The following GPR176 variants were observed in gnomAD, a reference collection of about 807,000 sequenced individuals.
The protein encoded by GPR176 is G protein-coupled receptor 176.
A neutral mutation model predicts 35.4 loss-of-function variants in GPR176; 26 were observed. The observed-to-expected ratio is 0.74, with a 90% CI of 0.54 to 1.02. The LOEUF is 1.02. Among genes scored for constraint, GPR176 ranks in the 50% least tolerant of loss-of-function variants. The pLI, the probability that GPR176 is intolerant of heterozygous loss-of-function variation, is 0.00. For synonymous variants in GPR176, 278 were observed against 271.3 expected, an observed-to-expected ratio of 1.02 and a Z score of -0.24; for missense variants, 597 against 665.3, an observed-to-expected ratio of 0.90 and a Z score of 1.13.
At chr15:39,847,571 C>T (rs1045075033) in intron 1 of GPR176, among the ~76,000 whole-genome samples, 4 of 151,686 alleles carry the variant, frequency 2.6e-5, no homozygotes, top group Non-Finnish European at 4.4e-5. Context: ...TGGTGAAACC[C>T]CATCTCTACA....
chr15:39,879,680 C>T (rs1005166490), intron 1 of GPR176, among the ~76,000 whole-genome samples: 1 of 152,140 alleles, frequency 6.6e-6, no homozygotes, highest in African/African-American at 2.4e-5. Flanking sequence ...CCCAAGGGCC[C>T]GCTTCCCCAC....
chr15:39,885,241 C>T (rs184994794), intron 1 of GPR176, among the ~76,000 whole-genome samples: 2 of 152,336 alleles, frequency 1.3e-5, no homozygotes, highest in African/African-American at 4.8e-5. Flanking sequence ...TCCTCAGCAA[C>T]CTCTGAGGGA....
intron 1 of GPR176, among the ~76,000 whole-genome samples, chr15:39,821,664 A>C (rs756777657): frequency 2.6e-5 from 4 of 152,238 alleles, no homozygotes; most frequent in Non-Finnish European, 4.4e-5. Flanking sequence ...TAAGAAGGTA[A>C]TCTACAACAC....
chr15:39,894,695 G>A (rs1369566055), intron 1 of GPR176, among the ~76,000 whole-genome samples: 75 of 145,386 alleles, frequency 5.2e-4, no homozygotes, highest in Non-Finnish European at 6.1e-4. Context: ...CACTTCCTAG[G>A]TGGGATGGCG....
At chr15:39,917,189 A>T (rs2033748565) in intron 1 of GPR176, among the ~76,000 whole-genome samples, 1 of 151,506 alleles carries the variant, frequency 6.6e-6, no homozygotes. Flanking sequence ...AGGCTGAGGC[A>T]GGAGAATCAC....
Position 39,896,078 on chromosome 15 carries a change from A to G in GPR176, c.172+23777T>C, listed in dbSNP as rs563112005. Among the ~76,000 whole-genome samples, 6 of 152,282 alleles carry G rather than the reference A, an allele frequency of 3.9e-5. No individual in the cohort carries two copies. The East Asian group carries it at 1.2e-3, about 29-fold the overall frequency. On this transcript the variant is annotated intron_variant, in intron 1 of 2. Transcript: ENST00000561100. Reference sequence around the variant, plus strand: ...TATATTATTATTTTTTTTTAGAGACAAGATCTCGCTTTGTTGTCCAGGCTG... The same window carrying G: ...TATATTATTATTTTTTTTTAGAGACGAGATCTCGCTTTGTTGTCCAGGCTG...
At chr15:39,905,652 C>T (rs1262956048) in intron 1 of GPR176, among the ~76,000 whole-genome samples, 1 of 152,056 alleles carries the variant, frequency 6.6e-6, no homozygotes, top group Non-Finnish European at 1.5e-5. Context: ...TTGACAAACA[C>T]AACAATTTGG....
Position 39,801,985 on chromosome 15 carries a change from A to G in GPR176, c.695T>C (p.Leu232Pro), listed in dbSNP as rs1898907243. The change falls in exon 3 of 3, where the codon CTG becomes CCG. Residue 232 changes from leucine (L) to proline (P), a missense_variant. Leu to Pro is a moderately conservative substitution (Grantham distance 98). Coordinates refer to ENST00000561100, the MANE Select transcript of GPR176 (RefSeq NM_007223.3). The part of the protein sequence containing the change: ...FLFLILIRRA[L>P]SASQKKKVII... ...GACCTTCTTCTTCTGGCTGGCACTCAGGGCCCGTCGGATCAGTATCAAGAA... is the reference window on the plus strand; with the variant it reads ...GACCTTCTTCTTCTGGCTGGCACTCGGGGCCCGTCGGATCAGTATCAAGAA... 2 of 1,614,072 alleles carry G rather than the reference A, an allele frequency of 1.2e-6. No individual in the cohort carries two copies. Among genetic ancestry groups the G allele is most frequent in the Non-Finnish European group, 8.5e-7 (1 of 1,180,002 alleles).
chr15:39,919,742 C>G, intron 1 of GPR176, 113 bp downstream of exon 1: 1 of 769,778 alleles, frequency 1.3e-6, no homozygotes. Flanking sequence ...CTTCAACTCT[C>G]TGCACTTTGC....
chr15:39,905,803 G>A (rs2033404480), intron 1 of GPR176, among the ~76,000 whole-genome samples: 1 of 152,082 alleles, frequency 6.6e-6, no homozygotes, highest in African/African-American at 2.4e-5. Context: ...AAGGGTGAAG[G>A]AGGGGATCGG....
intron 1 of GPR176, among the ~76,000 whole-genome samples, chr15:39,857,812 C>CG (rs1555407028): frequency 6.7e-6 from 1 of 149,436 alleles, no homozygotes. Context: ...ACTAAAAATA[C>CG]AAAAAAAAAT....
At chr15:39,806,141 C>A (rs541331205) in intron 2 of GPR176, among the ~76,000 whole-genome samples, 2 of 152,168 alleles carry the variant, frequency 1.3e-5, no homozygotes, top group Non-Finnish European at 2.9e-5. Context: ...ACAAAGAGTT[C>A]TAAATTTTCA....
intron 1 of GPR176, among the ~76,000 whole-genome samples, chr15:39,850,670 T>C (rs915041708): frequency 3.3e-5 from 5 of 152,124 alleles, no homozygotes; most frequent in African/African-American, 1.2e-4. Flanking sequence ...AATGTCAATA[T>C]CCTGGCTGTG....
intron 2 of GPR176, among the ~76,000 whole-genome samples, chr15:39,804,125 C>A (rs368299293): frequency 1.0e-3 from 153 of 152,228 alleles, no homozygotes; most frequent in African/African-American, 3.5e-3. Flanking sequence ...TGTAACAAAC[C>A]CAGGCTTCCA....
Position 39,806,587 on chromosome 15 carries a change from G to A in GPR176, c.425+419C>T, listed in dbSNP as rs1366826727. Among the ~76,000 whole-genome samples the A allele has an allele frequency of 2.0e-5, 3 of 152,168 alleles. No individual in the cohort carries two copies. In the East Asian group the frequency reaches 5.8e-4, roughly 29 times the overall value. ...CCAGATCCAAGTGGACCATCTAATC[G>A]CTTGTTAAATAACCACTGAATCATT... On this transcript the variant is annotated intron_variant, in intron 2 of 2. Coordinates refer to ENST00000561100, the MANE Select transcript of GPR176 (RefSeq NM_007223.3).
At chr15:39,831,535 A>C (rs1179069111) in intron 1 of GPR176, among the ~76,000 whole-genome samples, 1 of 152,060 alleles carries the variant, frequency 6.6e-6, no homozygotes, top group African/African-American at 2.4e-5. Context: ...AGGGCTCTCT[A>C]TGTCCATAAA....
intron 1 of GPR176, among the ~76,000 whole-genome samples, chr15:39,808,037 G>A (rs573898946): frequency 5.9e-5 from 9 of 152,180 alleles, no homozygotes; most frequent in Non-Finnish European, 1.2e-4. Context: ...TCCCGCTTCC[G>A]CCAGTCCTTG....
intron 1 of GPR176, among the ~76,000 whole-genome samples, chr15:39,839,466 C>T (rs767507572): frequency 5.3e-5 from 8 of 152,150 alleles, no homozygotes; most frequent in African/African-American, 1.4e-4. Flanking sequence ...ACACCTTATA[C>T]AAAAATTAAT....
At chr15:39,866,521 T>A (rs909507655) in intron 1 of GPR176, among the ~76,000 whole-genome samples, 1 of 152,116 alleles carries the variant, frequency 6.6e-6, no homozygotes, top group African/African-American at 2.4e-5. Context: ...TAGTAAGAAA[T>A]AGCAAACTTC....
Sources: allele counts gnomAD v4.1 joint callset (sites outside exome capture counted in the v4.1 genomes callset), GRCh38; gene constraint gnomAD v4.1.1; transcripts MANE v1.5; gene names NCBI Gene and HGNC (gene_info 2026-07-23, HGNC 2026-07-21).